WWOX: variants seen among roughly 807,000 people sequenced by gnomAD.
The protein encoded by WWOX is WW domain containing oxidoreductase.
In WWOX, 69 loss-of-function variants were observed where a neutral mutation model predicts 46.2. The observed-to-expected ratio is 1.49, with a 90% CI of 1.23 to 1.82. The LOEUF (loss-of-function observed/expected upper bound fraction) is 1.82, where lower values mean the gene tolerates loss of function less well. Among genes scored for constraint, WWOX ranks in the 40% most tolerant of loss-of-function variants. WWOX has a pLI of 0.00. For missense variants in WWOX, 919 were observed against 542.6 expected, an observed-to-expected ratio of 1.69 and a Z score of -6.89; for synonymous variants, 359 against 202.6, an observed-to-expected ratio of 1.77 and a Z score of -6.56.
intron 5 of WWOX, among the ~76,000 whole-genome samples, chr16:78,187,836 C>T (rs1185766036): frequency 6.6e-6 from 1 of 152,184 alleles, no homozygotes; most frequent in East Asian, 1.9e-4. Context: ...CATTAGAAAG[C>T]AGTTACTTTC....
intron 8 of WWOX, among the ~76,000 whole-genome samples, chr16:78,950,385 C>T (rs1035911983): frequency 1.3e-5 from 2 of 152,014 alleles, no homozygotes; most frequent in African/African-American, 2.4e-5. Context: ...TGGTGGCATG[C>T]CATTGTTCTG....
chr16:78,340,493 A>G (rs113497265), intron 5 of WWOX, among the ~76,000 whole-genome samples: 27,480 of 119,604 alleles, frequency 0.23, 8,843 homozygotes, highest in African/African-American at 0.38. Context: ...ACAGGCATGA[A>G]CCACCACACC....
intron 8 of WWOX, among the ~76,000 whole-genome samples, chr16:78,619,562 A>G (rs115819251): frequency 1.3e-5 from 2 of 151,786 alleles, no homozygotes; most frequent in South Asian, 2.1e-4. Flanking sequence ...CAATTTTATT[A>G]TACAATTTGT....
rs1341298897 is a variant in WWOX at position 78,099,887 on chromosome 16, T to G, written c.107+2T>G. 6.4e-7 allele frequency: 1 copy of G among 1,560,734 alleles called. No homozygotes were observed. Among genetic ancestry groups the G allele is most frequent in the African/African-American group, 1.4e-5 (1 of 73,356 alleles). On this transcript the variant is annotated splice_donor_variant, in intron 1 of 8. Transcript: ENST00000566780. LOFTEE classifies it high-confidence loss of function. ...GGACGGCTGGGTTTACTACGCCAAG[T>G]AAGGGGGCCGCAGTGGGGCCGCGGA...
chr16:78,956,031 T>A (rs1462110051), intron 8 of WWOX, among the ~76,000 whole-genome samples: 1 of 152,064 alleles, frequency 6.6e-6, no homozygotes, highest in Non-Finnish European at 1.5e-5. Flanking sequence ...TTAGAACTGT[T>A]TTAGTTGGGG....
chr16:78,217,155 G>GGCAT (rs2036748784), intron 5 of WWOX, among the ~76,000 whole-genome samples: 2 of 152,150 alleles, frequency 1.3e-5, no homozygotes, highest in Non-Finnish European at 2.9e-5. Flanking sequence ...TTGGGAAATG[G>GGCAT]GCATCATTTT....
chr16:78,471,066 C>T (rs923622425), intron 8 of WWOX, among the ~76,000 whole-genome samples: 1 of 152,210 alleles, frequency 6.6e-6, no homozygotes, highest in Non-Finnish European at 1.5e-5. Context: ...CCTTCCTACC[C>T]TGGATGCTGA....
intron 8 of WWOX, among the ~76,000 whole-genome samples, chr16:78,904,228 A>G (rs2044901707): frequency 1.4e-5 from 2 of 144,916 alleles, no homozygotes; most frequent in Non-Finnish European, 3.0e-5. Context: ...ATGATCTTAT[A>G]AATGCCTTTT....
chr16:79,042,459 C>T (rs1040832850), intron 8 of WWOX, among the ~76,000 whole-genome samples: 3 of 152,294 alleles, frequency 2.0e-5, no homozygotes, highest in Non-Finnish European at 2.9e-5. Context: ...ATTTATCTTC[C>T]TCTGCCCAGT....
At chr16:78,104,631 C>T (rs1029889713) in intron 1 of WWOX, among the ~76,000 whole-genome samples, 4 of 151,918 alleles carry the variant, frequency 2.6e-5, no homozygotes, top group East Asian at 1.9e-4. Context: ...ATGACAAGCT[C>T]GTTGAAAGAA....
chr16:78,645,239 C>G lies in WWOX; in HGVS notation c.1056+212487C>G, dbSNP rs145510413. Among the ~76,000 whole-genome samples, 932 of 152,222 alleles carry G rather than the reference C, an allele frequency of 6.1e-3. 2 individuals are homozygous for G. Among genetic ancestry groups the G allele is most frequent in the Non-Finnish European group, 9.8e-3 (664 of 68,002 alleles). ...ACCCTTGAGGAGGGTACCACCTCCT[C>G]ATTGCTTAGTTGTCAGTATAAATGC... On this transcript the variant is annotated intron_variant, in intron 8 of 8. Coordinates refer to ENST00000566780, the MANE Select transcript of WWOX (RefSeq NM_016373.4).
chr16:78,815,508 G>GC (rs1422521069), intron 8 of WWOX, among the ~76,000 whole-genome samples: 4 of 152,076 alleles, frequency 2.6e-5, no homozygotes, highest in Non-Finnish European at 5.9e-5. Flanking sequence ...TGTACCATCT[G>GC]CCTCTTGCCA....
chr16:78,705,222 G>A (rs527873113), intron 8 of WWOX, among the ~76,000 whole-genome samples: 1 of 152,206 alleles, frequency 6.6e-6, no homozygotes, highest in East Asian at 1.9e-4. Flanking sequence ...AAATGTATGT[G>A]GATTTTTCAT....
At chr16:78,894,239 C>T (rs2044653453) in intron 8 of WWOX, among the ~76,000 whole-genome samples, 1 of 151,854 alleles carries the variant, frequency 6.6e-6, no homozygotes. Flanking sequence ...TAGCCTTGAT[C>T]GTTTAGTTTT....
At chr16:78,674,811 T>C (rs1319917793) in intron 8 of WWOX, among the ~76,000 whole-genome samples, 1 of 147,446 alleles carries the variant, frequency 6.8e-6, no homozygotes, top group Non-Finnish European at 1.5e-5. Flanking sequence ...AATTACTGTA[T>C]CTGATTTTTC....
chr16:78,682,642 A>G (rs1442529634), intron 8 of WWOX, among the ~76,000 whole-genome samples: 1 of 152,198 alleles, frequency 6.6e-6, no homozygotes, highest in Non-Finnish European at 1.5e-5. Flanking sequence ...AGTCTGTGAG[A>G]CTGAGGCAGA....
chr16:78,292,493 A>G lies in WWOX; in HGVS notation c.517-94367A>G, dbSNP rs902669872. 2.0e-5 allele frequency among the ~76,000 whole-genome samples: 3 copies of G among 152,304 alleles called. No homozygotes were observed. The South Asian group carries it at 6.2e-4, about 32-fold the overall frequency. ...TTTTAAGAAAATAACAGAGCCAAGT[A>G]TTTTTTATAGCTATGCATGCAATCC... On this transcript the variant is annotated intron_variant, in intron 5 of 8. Transcript: ENST00000566780.
intron 4 of WWOX, among the ~76,000 whole-genome samples, chr16:78,147,893 G>A (rs1260579326): frequency 2.0e-5 from 3 of 151,546 alleles, no homozygotes; most frequent in Non-Finnish European, 2.9e-5. Flanking sequence ...GTTGCCAAGA[G>A]GGATCACAGC....
chr16:79,118,911 C>G lies in WWOX; in HGVS notation c.1057-92697C>G, dbSNP rs2049572313. Among the ~76,000 whole-genome samples, 5 of 152,118 alleles carry G rather than the reference C, an allele frequency of 3.3e-5. No individual in the cohort carries two copies. In the South Asian group the frequency reaches 1.0e-3, roughly 31 times the overall value. ...AGGGGAAGCATTGCTGTTTATTTAT[C>G]CATTTCTATGTTGTTGGTCATTTAT... On this transcript the variant is annotated intron_variant, in intron 8 of 8. Transcript: ENST00000566780.
Sources: gnomAD v4.1 joint callset for allele counts (sites outside exome capture counted in the v4.1 genomes callset) on GRCh38, gnomAD v4.1.1 for gene constraint, MANE v1.5 for transcripts, NCBI Gene and HGNC (gene_info 2026-07-23, HGNC 2026-07-21) for gene names.